The following NUDT3 variants were observed in gnomAD, a reference collection of about 807,000 sequenced individuals.
The protein encoded by NUDT3 is diphosphoinositol polyphosphate phosphohydrolase 1.
NUDT3 carries 9 observed loss-of-function variants against 23.6 expected under a neutral mutation model. The observed-to-expected ratio is 0.38, with a 90% confidence interval of 0.23 to 0.66. NUDT3 has a LOEUF of 0.66. Among genes scored for constraint, NUDT3 ranks in the 30% least tolerant of loss-of-function variants. The pLI is 0.52. For missense variants in NUDT3, 172 were observed against 218.5 expected (o/e 0.79, Z 1.34); for synonymous variants, 86 against 82.6 (o/e 1.04, Z -0.22).
At position 34,282,327 on chromosome 6, in the gene NUDT3, C is replaced by T. The variant is rs1160337536; in HGVS notation, c.*6426G>A. 2.0e-5 allele frequency: 3 copies of T among 152,118 alleles called. No homozygotes were observed. Among genetic ancestry groups the T allele is most frequent in the Non-Finnish European group, 2.9e-5 (2 of 68,020 alleles). 9.4% of individuals were successfully genotyped at this position (152,118 alleles called of 1,614,324 possible). A position where few individuals can be genotyped will look rare whatever the true frequency, so the allele number is the denominator to read the frequency against. On this transcript the variant is annotated 3_prime_UTR_variant, in exon 5 of 5. Transcript: ENST00000607016. Reference sequence around the variant, plus strand: ...TCAGAAAGACAGGCTCAGATCAGGACGACTTCTTAAAGGGATTCACAGGCA... The same window carrying T: ...TCAGAAAGACAGGCTCAGATCAGGATGACTTCTTAAAGGGATTCACAGGCA...
chr6:34,315,430 T>A (rs1763843487), intron 2 of NUDT3, among the ~76,000 whole-genome samples: 1 of 152,250 alleles, frequency 6.6e-6, no homozygotes, highest in African/African-American at 2.4e-5. Flanking sequence ...TGCAATAAGC[T>A]GCATCTACCT....
In NUDT3 at chr6:34,293,957, C is replaced by T. The variant is rs117749900; in HGVS notation, c.256-422G>A. 7.6e-4 allele frequency among the ~76,000 whole-genome samples: 116 copies of T among 151,670 alleles called. No individual in the cohort carries two copies. In the East Asian group the frequency reaches 0.02, roughly 27 times the overall value. On this transcript the variant is annotated intron_variant, in intron 3 of 4. Coordinates refer to ENST00000607016, the MANE Select transcript of NUDT3 (RefSeq NM_006703.4). ...CACACACACACCCACCCACACCCCT[C>T]TTCCCACCCACACCCCTTTTCCCAC... is the stretch of plus-strand genomic sequence containing the variant.
intron 1 of NUDT3, among the ~76,000 whole-genome samples, chr6:34,390,289 G>A (rs1359651326): frequency 6.6e-6 from 1 of 150,888 alleles, no homozygotes; most frequent in Non-Finnish European, 1.5e-5. Flanking sequence ...GCAAGAGTCG[G>A]TCTCAAAAAA....
intron 2 of NUDT3, among the ~76,000 whole-genome samples, chr6:34,317,639 G>A (rs1197665582): frequency 1.3e-5 from 2 of 152,052 alleles, no homozygotes; most frequent in African/African-American, 4.8e-5. Flanking sequence ...GCTGTACCTT[G>A]TCTGAATTCA....
At chr6:34,289,270 A>G in intron 4 of NUDT3, among the ~76,000 whole-genome samples, 1 of 152,174 alleles carries the variant, frequency 6.6e-6, no homozygotes, top group East Asian at 1.9e-4. Context: ...CATCTCCTGT[A>G]AAAACTGACA....
At chr6:34,300,332 T>C (rs996919020) in intron 2 of NUDT3, among the ~76,000 whole-genome samples, 1 of 152,134 alleles carries the variant, frequency 6.6e-6, no homozygotes, top group African/African-American at 2.4e-5. Flanking sequence ...GACAATGAGG[T>C]TTGCCCAGCC....
Position 34,289,035 on chromosome 6 carries a change from CT to C in NUDT3, c.341-105del, listed in dbSNP as rs878923476. The C allele has an allele frequency of 4.0e-5, 54 of 1,349,162 alleles. No homozygotes were observed. In the East Asian group the frequency reaches 4.1e-4, roughly 10 times the overall value. 83.6% of individuals were successfully genotyped at this position (1,349,162 alleles called of 1,614,324 possible). A position where few individuals can be genotyped will look rare whatever the true frequency, so the allele number is the denominator to read the frequency against. On this transcript the variant is annotated intron_variant, in intron 4 of 4. Coordinates refer to ENST00000607016, the MANE Select transcript of NUDT3 (RefSeq NM_006703.4). Reference sequence around the variant, plus strand: ...AACATTAAAGCAATGTTTCTTAACACTTTTTTTCCTTACAAAAATAACTCAA... The same window carrying C: ...AACATTAAAGCAATGTTTCTTAACACTTTTTTCCTTACAAAAATAACTCAA...
intron 1 of NUDT3, among the ~76,000 whole-genome samples, chr6:34,366,309 G>C (rs1764727872): frequency 6.6e-6 from 1 of 151,408 alleles, no homozygotes; most frequent in African/African-American, 2.4e-5. Context: ...TGAGGAGGTT[G>C]AGACTGCAGT....
chr6:34,383,205 C>T (rs781217378), intron 1 of NUDT3, among the ~76,000 whole-genome samples: 273 of 151,790 alleles, frequency 1.8e-3, no homozygotes, highest in Non-Finnish European at 3.4e-3. Context: ...TATGTCTGAG[C>T]TCATACTCCT....
chr6:34,353,207 C>G (rs891260480), intron 1 of NUDT3, among the ~76,000 whole-genome samples: 1 of 152,152 alleles, frequency 6.6e-6, no homozygotes, highest in African/African-American at 2.4e-5. Flanking sequence ...TTCTACTTTG[C>G]CTTTTCACTT....
chr6:34,383,718 G>C (rs1450959118), intron 1 of NUDT3, among the ~76,000 whole-genome samples: 2 of 152,150 alleles, frequency 1.3e-5, no homozygotes, highest in African/African-American at 4.8e-5. Flanking sequence ...GAGAATTAAA[G>C]CAGAAACAAA....
At chr6:34,380,262 A>C (rs940510143) in intron 1 of NUDT3, among the ~76,000 whole-genome samples, 3 of 151,886 alleles carry the variant, frequency 2.0e-5, no homozygotes, top group Admixed American at 6.6e-5. Context: ...ATGTTGACCA[A>C]GCTGGTCTTG....
intron 2 of NUDT3, among the ~76,000 whole-genome samples, chr6:34,335,708 G>A (rs78315810): frequency 0.054 from 8,049 of 148,456 alleles, 965 homozygotes; most frequent in East Asian, 0.38. Context: ...AGACTTACAG[G>A]AGTTTGTAAA....
intron 2 of NUDT3, among the ~76,000 whole-genome samples, chr6:34,339,336 G>A (rs1362090395): frequency 1.3e-5 from 2 of 152,198 alleles, no homozygotes; most frequent in African/African-American, 2.4e-5. Context: ...TGGAATGGGT[G>A]TGGAGACCAC....
At chr6:34,349,324 G>A (rs2113741320) in intron 1 of NUDT3, among the ~76,000 whole-genome samples, 2 of 151,116 alleles carry the variant, frequency 1.3e-5, no homozygotes, top group Middle Eastern at 3.4e-3. Flanking sequence ...AGAAAGAAGA[G>A]TCTATAAGAC....
intron 4 of NUDT3, among the ~76,000 whole-genome samples, chr6:34,290,401 CTTTTTTTTTTTT>C (rs952499361): frequency 9.3e-5 from 10 of 107,342 alleles, no homozygotes; most frequent in African/African-American, 3.4e-4. Flanking sequence ...GCTGCTGCTT[CTTTTTTTTTTTT>C]TTTTTTTTTT....
At chr6:34,328,800 A>G (rs975078611) in intron 2 of NUDT3, among the ~76,000 whole-genome samples, 1 of 152,218 alleles carries the variant, frequency 6.6e-6, no homozygotes, top group Non-Finnish European at 1.5e-5. Context: ...GAAATGATCA[A>G]AAGTATCCTT....
chr6:34,352,241 T>A (rs1448238738), intron 1 of NUDT3, among the ~76,000 whole-genome samples: 1 of 152,178 alleles, frequency 6.6e-6, no homozygotes, highest in African/African-American at 2.4e-5. Flanking sequence ...CTTGGCTCAC[T>A]GCAGCCTCAA....
At position 34,283,369 on chromosome 6, in the gene NUDT3, T is replaced by A. The variant is rs1222048943; in HGVS notation, c.*5384A>T. 6.6e-6 allele frequency: 1 copy of A among 152,186 alleles called. No individual in the cohort carries two copies. Among genetic ancestry groups the A allele is most frequent in the East Asian group, 1.9e-4 (1 of 5,182 alleles). The allele number at this position is 152,186 out of a possible 1,614,324, so 9.4% of individuals were successfully genotyped here. A position where few individuals can be genotyped will look rare whatever the true frequency, so the allele number is the denominator to read the frequency against. ...ACAGGAGCGTGCCACTACACCTGGC[T>A]AATTTTTGTATTTTTAGTAGAGATG... is the stretch of plus-strand genomic sequence containing the variant. On this transcript the variant is annotated 3_prime_UTR_variant, in exon 5 of 5. Coordinates refer to ENST00000607016, the MANE Select transcript of NUDT3 (RefSeq NM_006703.4).
Sources: allele counts gnomAD v4.1 joint callset (sites outside exome capture counted in the v4.1 genomes callset), GRCh38; gene constraint gnomAD v4.1.1; transcripts MANE v1.5; gene names NCBI Gene and HGNC (gene_info 2026-07-23, HGNC 2026-07-21).